The following GPR39 variants were observed in gnomAD, a reference collection of about 807,000 sequenced individuals.
The protein encoded by GPR39 is G protein-coupled receptor 39.
In GPR39, 23 loss-of-function variants were observed where a neutral mutation model predicts 18.4. The observed-to-expected ratio is 1.25, with a 90% CI of 0.90 to 1.77. GPR39 has a LOEUF of 1.77. Ranked by LOEUF, GPR39 falls within the 40% of genes most tolerant of loss-of-function variation. The pLI is 0.00. For missense variants in GPR39, 647 were observed against 602.4 expected, an observed-to-expected ratio of 1.07 and a Z score of -0.78; for synonymous variants, 280 against 257.9, an observed-to-expected ratio of 1.09 and a Z score of -0.82.
At chr2:132,490,782 C>A (rs1681442993) in intron 1 of GPR39, among the ~76,000 whole-genome samples, 2 of 150,112 alleles carry the variant, frequency 1.3e-5, no homozygotes, top group South Asian at 4.1e-4. Flanking sequence ...CCCTCCTCAG[C>A]CAAAGAGGAG....
chr2:132,567,387 C>T (rs1002175266), intron 1 of GPR39, among the ~76,000 whole-genome samples: 1 of 152,148 alleles, frequency 6.6e-6, no homozygotes. Flanking sequence ...ATGGATTAAT[C>T]CACTCATGGA....
intron 1 of GPR39, among the ~76,000 whole-genome samples, chr2:132,547,413 G>A (rs909984458): frequency 3.3e-5 from 5 of 152,146 alleles, no homozygotes; most frequent in Non-Finnish European, 7.3e-5. Context: ...GCCCGGCAAA[G>A]CTGGGACTGT....
intron 1 of GPR39, among the ~76,000 whole-genome samples, chr2:132,625,117 T>C (rs928059970): frequency 6.6e-6 from 1 of 151,692 alleles, no homozygotes; most frequent in Non-Finnish European, 1.5e-5. Context: ...TACTTCTACA[T>C]GGCTTTTTGC....
At chr2:132,520,927 G>A (rs944612098) in intron 1 of GPR39, among the ~76,000 whole-genome samples, 2 of 152,218 alleles carry the variant, frequency 1.3e-5, no homozygotes, top group Non-Finnish European at 2.9e-5. Flanking sequence ...AGTTAGAATT[G>A]CAATCTGTTG....
At chr2:132,552,771 C>T (rs552049863) in intron 1 of GPR39, among the ~76,000 whole-genome samples, 1 of 150,290 alleles carries the variant, frequency 6.7e-6, no homozygotes, top group South Asian at 2.1e-4. Flanking sequence ...TAAGTCAAAC[C>T]ACAGTAGCCT....
chr2:132,449,725 C>CT (rs5834312), intron 1 of GPR39, among the ~76,000 whole-genome samples: 71,371 of 151,672 alleles, frequency 0.47, 19,472 homozygotes, highest in Non-Finnish European at 0.62. Context: ...AGCACTGATC[C>CT]TTTTTTTTAA....
chr2:132,516,891 G>A (rs1372791440), intron 1 of GPR39, among the ~76,000 whole-genome samples: 1 of 152,182 alleles, frequency 6.6e-6, no homozygotes, highest in East Asian at 1.9e-4. Flanking sequence ...AGAAGTAAAG[G>A]AAAGAGAAAG....
chr2:132,616,153 G>A (rs1233340701), intron 1 of GPR39, among the ~76,000 whole-genome samples: 1 of 151,996 alleles, frequency 6.6e-6, no homozygotes, highest in South Asian at 2.1e-4. Flanking sequence ...TTTTATATGT[G>A]GGTTCTCAGC....
At chr2:132,493,411 T>TATATATACACACGCC (rs1198647263) in intron 1 of GPR39, among the ~76,000 whole-genome samples, 3 of 142,288 alleles carry the variant, frequency 2.1e-5, no homozygotes. Flanking sequence ...ATATATACAC[T>TATATATACACACGCC]ATATATACAC....
At chr2:132,527,440 G>A (rs533541195) in intron 1 of GPR39, among the ~76,000 whole-genome samples, 88 of 152,220 alleles carry the variant, frequency 5.8e-4, no homozygotes, top group South Asian at 1.7e-3. Flanking sequence ...ATTTACGTTC[G>A]TTTGGGTATA....
chr2:132,472,685 A>G (rs1681054493), intron 1 of GPR39, among the ~76,000 whole-genome samples: 1 of 152,126 alleles, frequency 6.6e-6, no homozygotes, highest in South Asian at 2.1e-4. Context: ...TTACTTTTTC[A>G]CGCAACTTAT....
At chr2:132,643,073 C>T (rs1304838177) in intron 1 of GPR39, among the ~76,000 whole-genome samples, 1 of 152,020 alleles carries the variant, frequency 6.6e-6, no homozygotes, top group African/African-American at 2.4e-5. Flanking sequence ...GGAGAAAAGT[C>T]CCGGATTTCT....
intron 1 of GPR39, among the ~76,000 whole-genome samples, chr2:132,500,193 T>C (rs568306806): frequency 6.6e-6 from 1 of 152,278 alleles, no homozygotes; most frequent in African/African-American, 2.4e-5. Flanking sequence ...AACTCTTCCC[T>C]GTTCAGTATA....
chr2:132,599,102 C>T (rs992565309), intron 1 of GPR39, among the ~76,000 whole-genome samples: 1 of 151,944 alleles, frequency 6.6e-6, no homozygotes, highest in African/African-American at 2.4e-5. Context: ...CTACTTTAAC[C>T]AGGAGCTCTC....
intron 1 of GPR39, among the ~76,000 whole-genome samples, chr2:132,561,884 C>A (rs1446209640): frequency 6.6e-6 from 1 of 152,208 alleles, no homozygotes; most frequent in Non-Finnish European, 1.5e-5. Context: ...TCCAACTTTT[C>A]ATTCCATTTA....
chr2:132,582,689 G>C (rs1024226593), intron 1 of GPR39, among the ~76,000 whole-genome samples: 12 of 152,152 alleles, frequency 7.9e-5, no homozygotes, highest in Non-Finnish European at 1.6e-4. Flanking sequence ...CCAGCAGGGA[G>C]AGCACTGTGA....
In GPR39 at chr2:132,645,729, A is replaced by C; in HGVS notation, c.*123A>C. The C allele has an allele frequency of 1.5e-6, 2 of 1,333,076 alleles. No homozygotes were observed. The highest frequency in any genetic ancestry group is 2.0e-6 in the Non-Finnish European group (2 of 987,484). The allele number at this position is 1,333,076 out of a possible 1,614,324, so 82.6% of individuals were successfully genotyped here. On this transcript the variant is annotated 3_prime_UTR_variant, in exon 2 of 2. Transcript: ENST00000329321. ...GGAATGGACACTGGAGGCTTTACAAAAGGCAGATGCCCACCTCAGTGACTT... is the reference window on the plus strand; with the variant it reads ...GGAATGGACACTGGAGGCTTTACAACAGGCAGATGCCCACCTCAGTGACTT...
At chr2:132,571,495 T>A (rs1283915752) in intron 1 of GPR39, among the ~76,000 whole-genome samples, 2 of 152,174 alleles carry the variant, frequency 1.3e-5, no homozygotes, top group South Asian at 2.1e-4. Flanking sequence ...GATCTTTACA[T>A]GAGAAAGAAA....
intron 1 of GPR39, among the ~76,000 whole-genome samples, chr2:132,603,465 G>A (rs537306521): frequency 4.9e-4 from 75 of 152,244 alleles, no homozygotes; most frequent in African/African-American, 1.8e-3. Flanking sequence ...TAGCAGTGTA[G>A]GATGACTATA....
Sources: allele counts gnomAD v4.1 joint callset (sites outside exome capture counted in the v4.1 genomes callset), GRCh38; gene constraint gnomAD v4.1.1; transcripts MANE v1.5; gene names NCBI Gene and HGNC (gene_info 2026-07-23, HGNC 2026-07-21).